MSRA: variants seen among roughly 807,000 people sequenced by gnomAD.
MSRA encodes the protein mitochondrial peptide methionine sulfoxide reductase.
A neutral mutation model predicts 31.3 loss-of-function variants in MSRA; 54 were observed. That is an observed-to-expected ratio of 1.73 (90% CI 1.39 to 2.17). The LOEUF (loss-of-function observed/expected upper bound fraction) is 2.17, where lower values mean the gene tolerates loss of function less well. Ranked by LOEUF, MSRA falls within the 30% of genes most tolerant of loss-of-function variation. MSRA has a pLI of 0.00. For missense variants in MSRA, 507 were observed against 300.9 expected, an observed-to-expected ratio of 1.69 and a Z score of -5.07; for synonymous variants, 169 against 116.5, an observed-to-expected ratio of 1.45 and a Z score of -2.90.
At chr8:10,381,858 C>T (rs62490350) in intron 5 of MSRA, among the ~76,000 whole-genome samples, 3 of 152,082 alleles carry the variant, frequency 2.0e-5, no homozygotes, top group Non-Finnish European at 2.9e-5. Flanking sequence ...GGAAAAATCA[C>T]CCTGGGTGAT....
chr8:10,246,216 C>G (rs988402614), intron 3 of MSRA, among the ~76,000 whole-genome samples: 1 of 152,194 alleles, frequency 6.6e-6, no homozygotes, highest in Non-Finnish European at 1.5e-5. Context: ...ACTATGTGGT[C>G]TGCAAAGCCT....
At chr8:10,355,430 A>G (rs976289774) in intron 5 of MSRA, among the ~76,000 whole-genome samples, 32 of 152,240 alleles carry the variant, frequency 2.1e-4, no homozygotes, top group African/African-American at 7.7e-4. Flanking sequence ...GAAGTCATCA[A>G]AAAGAACGAT....
chr8:10,283,788 G>A (rs1229594707), intron 3 of MSRA, among the ~76,000 whole-genome samples: 2 of 118,592 alleles, frequency 1.7e-5, no homozygotes, highest in Non-Finnish European at 3.3e-5. Context: ...TTTTGGTTGA[G>A]TAGTATTCTA....
intron 3 of MSRA, among the ~76,000 whole-genome samples, chr8:10,296,158 C>G (rs1395866905): frequency 1.3e-5 from 2 of 151,990 alleles, no homozygotes; most frequent in East Asian, 3.9e-4. Context: ...AGCTCAGTGC[C>G]CAGACCAGTA....
intron 1 of MSRA, among the ~76,000 whole-genome samples, chr8:10,124,496 T>C (rs917227368): frequency 1.3e-5 from 2 of 152,236 alleles, no homozygotes; most frequent in African/African-American, 4.8e-5. Flanking sequence ...GTGACTCTTA[T>C]GGAAAATTCT....
chr8:10,256,423 C>G (rs1361080817), intron 3 of MSRA, among the ~76,000 whole-genome samples: 2 of 152,056 alleles, frequency 1.3e-5, no homozygotes, highest in African/African-American at 4.8e-5. Context: ...GATGAAGCTG[C>G]TGTCAACATA....
At chr8:10,328,151 C>T (rs1262535966) in intron 5 of MSRA, among the ~76,000 whole-genome samples, 3 of 145,886 alleles carry the variant, frequency 2.1e-5, no homozygotes, top group African/African-American at 5.1e-5. Flanking sequence ...TACTTGTTAT[C>T]GCCACTTGTG....
intron 1 of MSRA, among the ~76,000 whole-genome samples, chr8:10,115,179 G>C (rs1392506793): frequency 6.6e-6 from 1 of 152,212 alleles, no homozygotes; most frequent in Non-Finnish European, 1.5e-5. Flanking sequence ...AAAATGTAAA[G>C]TTATATCCCT....
At chr8:10,198,626 G>T (rs7829478) in intron 1 of MSRA, among the ~76,000 whole-genome samples, 81,783 of 151,948 alleles carry the variant, frequency 0.54, 23,296 homozygotes, top group African/African-American at 0.75. Context: ...TGACATTCTT[G>T]GTTGGTTGTG....
intron 5 of MSRA, among the ~76,000 whole-genome samples, chr8:10,339,622 A>T (rs1366755313): frequency 7.0e-6 from 1 of 141,994 alleles, no homozygotes; most frequent in Non-Finnish European, 1.5e-5. Flanking sequence ...GCTCACTGCA[A>T]GCTCCGCCTC....
chr8:10,180,471 C>T (rs918117820), intron 1 of MSRA, among the ~76,000 whole-genome samples: 1 of 152,116 alleles, frequency 6.6e-6, no homozygotes, highest in African/African-American at 2.4e-5. Flanking sequence ...GGCCTCTTCC[C>T]TCCTCAGAGG....
intron 3 of MSRA, among the ~76,000 whole-genome samples, chr8:10,267,150 C>T (rs936660019): frequency 6.6e-6 from 1 of 152,188 alleles, no homozygotes; most frequent in Non-Finnish European, 1.5e-5. Context: ...ACATTGTTTA[C>T]CCCACCCGCT....
At chr8:10,247,634 G>A (rs529286855) in intron 3 of MSRA, among the ~76,000 whole-genome samples, 1 of 152,136 alleles carries the variant, frequency 6.6e-6, no homozygotes, top group Non-Finnish European at 1.5e-5. Flanking sequence ...TAAAGAACTC[G>A]ATTGGATATG....
intron 5 of MSRA, among the ~76,000 whole-genome samples, chr8:10,423,542 C>T (rs1186934844): frequency 6.6e-6 from 1 of 152,130 alleles, no homozygotes; most frequent in African/African-American, 2.4e-5. Flanking sequence ...GAGGAACCAT[C>T]TGTAACCCAG....
intron 1 of MSRA, among the ~76,000 whole-genome samples, chr8:10,074,399 A>C (rs1797894184): frequency 6.6e-6 from 1 of 151,834 alleles, no homozygotes; most frequent in African/African-American, 2.4e-5. Flanking sequence ...GGGAGTTTTA[A>C]AATGTTTAGC....
chr8:10,326,669 C>T (rs1802379494), intron 5 of MSRA: 1 of 151,980 alleles, frequency 6.6e-6, no homozygotes, highest in Admixed American at 6.6e-5. Flanking sequence ...AAGGAGAAGA[C>T]TTGATAATCT....
chr8:10,404,489 G>A (rs546777324), intron 5 of MSRA, among the ~76,000 whole-genome samples: 1 of 152,332 alleles, frequency 6.6e-6, no homozygotes, highest in Admixed American at 6.5e-5. Flanking sequence ...TGAACAGTTG[G>A]CATTCCTGCG....
intron 2 of MSRA, among the ~76,000 whole-genome samples, chr8:10,213,568 C>G (rs932297338): frequency 9.3e-5 from 14 of 151,312 alleles, no homozygotes; most frequent in African/African-American, 3.4e-4. Context: ...TCCCGAGTAG[C>G]TGGGATGACA....
At chr8:10,200,664 C>T (rs931570459) in intron 1 of MSRA, among the ~76,000 whole-genome samples, 4 of 152,164 alleles carry the variant, frequency 2.6e-5, no homozygotes, top group Admixed American at 2.6e-4. Context: ...CCATGTTTGT[C>T]CCCACGTAGC....
Sources: gnomAD v4.1 joint callset for allele counts (sites outside exome capture counted in the v4.1 genomes callset) on GRCh38, gnomAD v4.1.1 for gene constraint, MANE v1.5 for transcripts, NCBI Gene and HGNC (gene_info 2026-07-23, HGNC 2026-07-21) for gene names.